Variants in NUDT5 observed in about 807,000 individuals in gnomAD.
NUDT5 encodes nudix hydrolase 5.
Under a neutral mutation model 34.1 loss-of-function variants are expected in NUDT5, and 21 were observed. The observed-to-expected ratio is 0.62, with a 90% CI of 0.44 to 0.89. NUDT5 has a LOEUF of 0.89. NUDT5 is among the 40% of genes least tolerant of loss of function. The pLI, the probability that NUDT5 is intolerant of heterozygous loss-of-function variation, is 0.00. For missense variants in NUDT5, 249 were observed against 274.8 expected (o/e 0.91, Z 0.66); for synonymous variants, 85 against 97.6 (o/e 0.87, Z 0.76).
chr10:12,175,085 C>T lies in NUDT5; in HGVS notation c.290-1272G>A, dbSNP rs373813585. ...CTGTAACCCCAGCACTTTGGGAGGC[C>T]GAGGCGGGCAGATCACCTGAGGTCA... On this transcript the variant is annotated intron_variant, in intron 5 of 9. Transcript: ENST00000491614. The surrounding 1 kb of genome is among the most constrained non-coding windows in gnomAD (Gnocchi z 4.8). Among the ~76,000 whole-genome samples the T allele has an allele frequency of 2.6e-5, 4 of 151,748 alleles. No individual in the cohort carries two copies. Among genetic ancestry groups the T allele is most frequent in the East Asian group, 1.9e-4 (1 of 5,144 alleles).
rs1471797351 is a variant in NUDT5, at chr10:12,167,105, C to CCGTTTT, written c.*591_*596dup. 1.9e-5 allele frequency: 3 copies of CCGTTTT among 160,280 alleles called. No homozygotes were observed. The highest frequency in any genetic ancestry group is 2.8e-5 in the Non-Finnish European group (2 of 72,714). The allele number at this position is 160,280 out of a possible 1,614,324, so 9.9% of individuals were successfully genotyped here. On this transcript the variant is annotated 3_prime_UTR_variant, in exon 10 of 10. Transcript: ENST00000491614. ...GCCTTGGTGTAGTGAATGGAGTCAA[C>CCGTTTT]CGTTTTCCTTACTTAAAAGCTGGTT...
At chr10:12,192,955 A>G (rs1835259485) in intron 1 of NUDT5, among the ~76,000 whole-genome samples, 1 of 148,718 alleles carries the variant, frequency 6.7e-6, no homozygotes, top group Non-Finnish European at 1.5e-5. Context: ...TTTTTTTTTC[A>G]TTCTCTTCAG....
chr10:12,176,671 C>T (rs1474065702), intron 5 of NUDT5, among the ~76,000 whole-genome samples: 1 of 152,188 alleles, frequency 6.6e-6, no homozygotes, highest in Non-Finnish European at 1.5e-5. Context: ...TAGATGGGAA[C>T]AATCCAATAA....
intron 1 of NUDT5, among the ~76,000 whole-genome samples, chr10:12,190,705 T>G (rs895952863): frequency 6.7e-6 from 1 of 149,818 alleles, no homozygotes; most frequent in Non-Finnish European, 1.5e-5. Context: ...ACCTCCCAGG[T>G]TGAAGCAATT....
chr10:12,186,401 T>C (rs1173546394), intron 1 of NUDT5, 69 bp from the exon 2 acceptor site: 10 of 863,122 alleles, frequency 1.2e-5, no homozygotes, highest in Middle Eastern at 4.4e-4. Flanking sequence ...CACAGGACAC[T>C]AGTCAAAGTA....
rs903416004 is a variant in NUDT5, at chr10:12,181,129, C to A, written c.132-1997G>T. Among the ~76,000 whole-genome samples, 3 of 152,162 alleles carry A rather than the reference C, an allele frequency of 2.0e-5. No homozygotes were observed. The highest frequency in any genetic ancestry group is 4.8e-5 in the African/African-American group (2 of 41,434). ...AAAATATTTAGGAAAAAAATTGCAT[C>A]TATACTGAACAGGTCCACACTTTTT... is the stretch of plus-strand genomic sequence containing the variant. On this transcript the variant is annotated intron_variant, in intron 3 of 9. Transcript: ENST00000491614. This position sits in a 1 kb window ranked among gnomAD's most constrained non-coding sequence, Gnocchi z 5.0.
At chr10:12,184,379 C>G in intron 3 of NUDT5, 1 of 736,348 alleles carries the variant, frequency 1.4e-6, no homozygotes, top group East Asian at 5.3e-5. Context: ...TTTGTTAAAA[C>G]TGGGATTACT....
chr10:12,173,357 C>T lies in NUDT5; in HGVS notation c.385+361G>A, dbSNP rs893251533. Among the ~76,000 whole-genome samples the T allele has an allele frequency of 5.3e-5, 8 of 152,074 alleles. No individual in the cohort carries two copies. Among genetic ancestry groups the T allele is most frequent in the Admixed American group, 1.3e-4 (2 of 15,264 alleles). The stretch of plus-strand genomic sequence containing the variant: ...CCGAGTAGCTGGGATCACAGGTGTG[C>T]GCCACCCGGCTAATTTTTGTATTTT... On this transcript the variant is annotated intron_variant, in intron 6 of 9. Transcript: ENST00000491614. The surrounding 1 kb of genome is among the most constrained non-coding windows in gnomAD (Gnocchi z 4.7).
rs1834710097 is a variant in NUDT5 at position 12,166,814 on chromosome 10, A to C, written c.*888T>G. On this transcript the variant is annotated 3_prime_UTR_variant, in exon 10 of 10. Transcript: ENST00000491614. ...AAAATGGCCCAGGAACACTGGTAGAACTGCTAGATGACAGGGTTTCAGGCA... is the reference window on the plus strand; with the variant it reads ...AAAATGGCCCAGGAACACTGGTAGACCTGCTAGATGACAGGGTTTCAGGCA... The C allele has an allele frequency of 2.1e-6, 1 of 468,270 alleles. No homozygotes were observed. Among genetic ancestry groups the C allele is most frequent in the African/African-American group, 2.0e-5 (1 of 49,696 alleles). 29.0% of individuals were successfully genotyped at this position (468,270 alleles called of 1,614,324 possible).
In NUDT5 at chr10:12,166,806, CT is replaced by C; in HGVS notation, c.*895del. ...AAGCTAAGAAAATGGCCCAGGAACA[CT>C]GGTAGAACTGCTAGATGACAGGGTT... On this transcript the variant is annotated 3_prime_UTR_variant, in exon 10 of 10. Coordinates refer to ENST00000491614, the MANE Select transcript of NUDT5 (RefSeq NM_014142.4). 1 of 470,748 alleles carries C rather than the reference CT, an allele frequency of 2.1e-6. No homozygotes were observed. The highest frequency in any genetic ancestry group is 4.4e-6 in the Non-Finnish European group (1 of 228,200). 29.2% of individuals were successfully genotyped at this position (470,748 alleles called of 1,614,324 possible). A position where few individuals can be genotyped will look rare whatever the true frequency, so the allele number is the denominator to read the frequency against.
rs1432068010 is a variant in NUDT5, at chr10:12,187,016, T to A, written c.-41-684A>T. Among the ~76,000 whole-genome samples, 1 of 152,088 alleles carries A rather than the reference T, an allele frequency of 6.6e-6. No individual in the cohort carries two copies. Among genetic ancestry groups the A allele is most frequent in the Non-Finnish European group, 1.5e-5 (1 of 68,018 alleles). On this transcript the variant is annotated intron_variant, in intron 1 of 9. Transcript: ENST00000491614. The surrounding 1 kb of genome is among the most constrained non-coding windows in gnomAD (Gnocchi z 5.4). The stretch of plus-strand genomic sequence containing the variant: ...TCCATGCCCACCTCTCAGTCTTTTA[T>A]CCATCTGTTACACCTAAACTTACTT...
chr10:12,191,226 A>T (rs909952400), intron 1 of NUDT5, among the ~76,000 whole-genome samples: 1 of 152,074 alleles, frequency 6.6e-6, no homozygotes, highest in African/African-American at 2.4e-5. Flanking sequence ...TACTAAAAAT[A>T]CAAAAAAATT....
rs891225616 is a variant in NUDT5 at position 12,187,199 on chromosome 10, A to C, written c.-41-867T>G. Among the ~76,000 whole-genome samples, 3 of 151,556 alleles carry C rather than the reference A, an allele frequency of 2.0e-5. No homozygotes were observed. The highest frequency in any genetic ancestry group is 6.6e-5 in the Admixed American group (1 of 15,260). On this transcript the variant is annotated intron_variant, in intron 1 of 9. Coordinates refer to ENST00000491614, the MANE Select transcript of NUDT5 (RefSeq NM_014142.4). This position sits in a 1 kb window ranked among gnomAD's most constrained non-coding sequence, Gnocchi z 5.4. The stretch of plus-strand genomic sequence containing the variant: ...AGGTGCATGCTACCACAGCCAACTA[A>C]TGTTTTAAACTTTTGGTAGAGGTGG...
rs113313079 is a variant in NUDT5, at chr10:12,173,240, T to G, written c.386-374A>C. Among the ~76,000 whole-genome samples the G allele has an allele frequency of 3.3e-5, 5 of 152,308 alleles. No homozygotes were observed. The highest frequency in any genetic ancestry group is 1.2e-4 in the African/African-American group (5 of 41,564). The stretch of plus-strand genomic sequence containing the variant: ...TTGATTTTTTGAGACAGAGTTTCAC[T>G]TTGCTCTTATTGCCCAGGATGGAGT... On this transcript the variant is annotated intron_variant, in intron 6 of 9. Coordinates refer to ENST00000491614, the MANE Select transcript of NUDT5 (RefSeq NM_014142.4). This position sits in a 1 kb window ranked among gnomAD's most constrained non-coding sequence, Gnocchi z 4.7.
At chr10:12,178,941 G>A (rs1194078876) in intron 4 of NUDT5, 142 bp downstream of exon 4, 7 of 701,922 alleles carry the variant, frequency 1.0e-5, no homozygotes, top group Non-Finnish European at 1.7e-5. Flanking sequence ...GCTTAATTTC[G>A]TTACATAGTA....
Position 12,167,624 on chromosome 10 carries a change from A to G in NUDT5, c.*78T>C. On this transcript the variant is annotated 3_prime_UTR_variant, in exon 10 of 10. Transcript: ENST00000491614. The stretch of plus-strand genomic sequence containing the variant: ...AAAAGCTAATGGCAAATCTACATTA[A>G]ACTAAGTTGAATACAAAGTCTTAGT... 3 of 1,374,796 alleles carry G rather than the reference A, an allele frequency of 2.2e-6. No individual in the cohort carries two copies. The highest frequency in any genetic ancestry group is 3.1e-6 in the Non-Finnish European group (3 of 975,472). The allele number at this position is 1,374,796 out of a possible 1,614,324, so 85.2% of individuals were successfully genotyped here. A position where few individuals can be genotyped will look rare whatever the true frequency, so the allele number is the denominator to read the frequency against.
Position 12,169,865 on chromosome 10 carries a change from C to G in NUDT5, c.550+852G>C. On this transcript the variant is annotated intron_variant, in intron 9 of 9. Transcript: ENST00000491614. This position sits in a 1 kb window ranked among gnomAD's most constrained non-coding sequence, Gnocchi z 4.8. ...TAAAGCTTCAGGCCAAACAATGCTTCAAATCACATTTGAAGTAATCACTTA... is the reference window on the plus strand; with the variant it reads ...TAAAGCTTCAGGCCAAACAATGCTTGAAATCACATTTGAAGTAATCACTTA... The G allele has an allele frequency of 2.6e-6, 1 of 385,672 alleles. No homozygotes were observed. The highest frequency in any genetic ancestry group is 4.6e-6 in the Non-Finnish European group (1 of 217,150). The allele number at this position is 385,672 out of a possible 1,614,324, so 23.9% of individuals were successfully genotyped here. A position where few individuals can be genotyped will look rare whatever the true frequency, so the allele number is the denominator to read the frequency against.
rs928815950 is a variant in NUDT5 at position 12,192,414 on chromosome 10, G to A, written c.-42+3356C>T. On this transcript the variant is annotated intron_variant, in intron 1 of 9. Transcript: ENST00000491614. ...CTTGTTAAAGTCAGGCATCAAATTG[G>A]GCATGTCTAAAGTGGCAATCTACAT... Among the ~76,000 whole-genome samples the A allele has an allele frequency of 1.1e-4, 17 of 152,070 alleles. No homozygotes were observed. In the East Asian group the frequency reaches 3.3e-3, roughly 29 times the overall value.
chr10:12,195,198 T>G (rs1835312748), intron 1 of NUDT5, among the ~76,000 whole-genome samples: 2 of 152,146 alleles, frequency 1.3e-5, no homozygotes, highest in Admixed American at 6.5e-5. Flanking sequence ...TCTCATTCTT[T>G]TAACGAAACA....
Sources: gnomAD v4.1 joint callset for allele counts (sites outside exome capture counted in the v4.1 genomes callset) on GRCh38, gnomAD v4.1.1 for gene constraint, Gnocchi (gnomAD v3.1) non-coding constraint, MANE v1.5 for transcripts, NCBI Gene and HGNC (gene_info 2026-07-23, HGNC 2026-07-21) for gene names.